The following C1QTNF1 variants were observed in gnomAD, a reference collection of about 807,000 sequenced individuals.
C1QTNF1 encodes C1q and TNF related 1.
A neutral mutation model predicts 27.8 loss-of-function variants in C1QTNF1; 22 were observed. That is an observed-to-expected ratio of 0.79 (90% CI 0.56 to 1.13). The LOEUF is 1.13. Ranked by LOEUF, C1QTNF1 falls within the 50% of genes most tolerant of loss-of-function variation. C1QTNF1 has a pLI of 0.00. For synonymous variants in C1QTNF1, 166 were observed against 154.3 expected (o/e 1.08, Z -0.56); for missense variants, 373 against 380.2 (o/e 0.98, Z 0.16).
Position 79,048,357 on chromosome 17 carries a change from C to A in C1QTNF1, c.*269C>A, listed in dbSNP as rs553241452. ...CTCTGCACACATCCTCAAGTGACCC[C>A]GCACGGCGAGACGCGGGTGGCGGCA... is the stretch of plus-strand genomic sequence containing the variant. On this transcript the variant is annotated 3_prime_UTR_variant, in exon 4 of 4. Transcript: ENST00000579760. 41 of 388,052 alleles carry A rather than the reference C, an allele frequency of 1.1e-4. No individual in the cohort carries two copies. In the South Asian group the frequency reaches 3.7e-3, roughly 35 times the overall value. The allele number at this position is 388,052 out of a possible 1,614,324, so 24.0% of individuals were successfully genotyped here.
upstream of C1QTNF1, among the ~76,000 whole-genome samples, chr17:79,023,825 C>G (rs73413103): frequency 3.3e-5 from 5 of 152,346 alleles, no homozygotes; most frequent in Admixed American, 3.3e-4. Context: ...AGGTCTGCCA[C>G]TGTTTGGAGA....
chr17:79,036,252 G>A (rs1341608972), intron 1 of C1QTNF1, among the ~76,000 whole-genome samples: 1 of 152,228 alleles, frequency 6.6e-6, no homozygotes, highest in Non-Finnish European at 1.5e-5. Context: ...GTGGCTCACT[G>A]CAGCCTCAAC....
At chr17:79,043,384 T>A (rs1198356199) in intron 1 of C1QTNF1, 3 of 453,422 alleles carry the variant, frequency 6.6e-6, no homozygotes, top group Non-Finnish European at 1.3e-5. Flanking sequence ...GGACTGTGTA[T>A]GTGCATGTAT....
At chr17:79,037,365 G>A (rs1051849852) in intron 1 of C1QTNF1, among the ~76,000 whole-genome samples, 23 of 152,128 alleles carry the variant, frequency 1.5e-4, no homozygotes, top group African/African-American at 5.6e-4. Context: ...TCCCGACCTC[G>A]TGATCCACCC....
chr17:79,047,881 G>C lies in C1QTNF1; in HGVS notation c.639G>C (p.Lys213Asn). 1 of 1,614,214 alleles carries C rather than the reference G, an allele frequency of 6.2e-7. No homozygotes were observed. The highest frequency in any genetic ancestry group is 1.1e-5 in the South Asian group (1 of 91,080). The change falls in exon 4 of 4, where the codon AAG becomes AAC. Residue 213 changes from lysine to asparagine, a missense_variant. Transcript: ENST00000579760. Reference protein sequence around the residue: ...NQKETYLHIMKNEEEVVILFA... With the variant: ...NQKETYLHIMNNEEEVVILFA... ...AGGAGACCTACCTGCACATCATGAA[G>C]AACGAGGAGGAGGTGGTGATCTTGT...
At chr17:79,027,080 G>GT (rs2071986176) in intron 1 of C1QTNF1, among the ~76,000 whole-genome samples, 4 of 132,960 alleles carry the variant, frequency 3.0e-5, no homozygotes, top group South Asian at 2.5e-4. Flanking sequence ...CTGTTCCTGG[G>GT]CGGGGGGGGG....
Position 79,047,719 on chromosome 17 carries a change from C to A in C1QTNF1, c.477C>A (p.Asn159Lys). 1 of 1,614,164 alleles carries A rather than the reference C, an allele frequency of 6.2e-7. No individual in the cohort carries two copies. The highest frequency in any genetic ancestry group is 2.2e-5 in the East Asian group (1 of 44,880). The change falls in exon 4 of 4, where the codon AAC becomes AAA. Residue 159 changes from asparagine to lysine, a missense_variant. By Grantham distance (94) the Asn-to-Lys change is moderately conservative. Coordinates refer to ENST00000579760, the MANE Select transcript of C1QTNF1 (RefSeq NM_030968.5). ...SVGRKKPMHSNHYYQTVIFDT... is the reference protein window; with the variant it reads ...SVGRKKPMHSKHYYQTVIFDT... ...GCCGGAAGAAGCCCATGCACAGCAA[C>A]CACTACTACCAGACGGTGATCTTCG...
At chr17:79,044,631 A>T (rs935997969) in intron 2 of C1QTNF1, among the ~76,000 whole-genome samples, 10 of 152,084 alleles carry the variant, frequency 6.6e-5, no homozygotes, top group Non-Finnish European at 1.5e-4. Flanking sequence ...GCTTCCCTTG[A>T]AAGGTTGTGA....
chr17:79,047,762 C>T lies in C1QTNF1; in HGVS notation c.520C>T (p.Leu174Phe). The T allele has an allele frequency of 6.2e-7, 1 of 1,614,176 alleles. No homozygotes were observed. Among genetic ancestry groups the T allele is most frequent in the South Asian group, 1.1e-5 (1 of 91,072 alleles). ...TVIFDTEFVNLYDHFNMFTGK... is the reference protein window; with the variant it reads ...TVIFDTEFVNFYDHFNMFTGK... ...GATCTTCGACACGGAGTTCGTGAAC[C>T]TCTACGACCACTTCAACATGTTCAC... Residue 174 changes from leucine (L) to phenylalanine (F), a missense_variant, in exon 4 of 4, where the codon CTC (leucine) becomes TTC (phenylalanine). Coordinates refer to ENST00000579760, the MANE Select transcript of C1QTNF1 (RefSeq NM_030968.5).
intron 1 of C1QTNF1, among the ~76,000 whole-genome samples, chr17:79,032,924 T>C (rs570538960): frequency 1.5e-4 from 23 of 151,916 alleles, no homozygotes; most frequent in South Asian, 2.1e-4. Flanking sequence ...AAAAATTAGC[T>C]GGGCGTGGTG....
chr17:79,041,533 C>T (rs2072408848), intron 1 of C1QTNF1, among the ~76,000 whole-genome samples: 1 of 152,164 alleles, frequency 6.6e-6, no homozygotes, highest in Non-Finnish European at 1.5e-5. Context: ...ATCCCAGCAC[C>T]TCGGGAGGCC....
chr17:79,037,452 C>T (rs1390540616), intron 1 of C1QTNF1, among the ~76,000 whole-genome samples: 2 of 151,424 alleles, frequency 1.3e-5, no homozygotes, highest in East Asian at 3.9e-4. Flanking sequence ...TTACTAGAGA[C>T]AGGGATTTGC....
chr17:79,041,347 G>C (rs1446308613), intron 1 of C1QTNF1, among the ~76,000 whole-genome samples: 1 of 152,170 alleles, frequency 6.6e-6, no homozygotes, highest in Non-Finnish European at 1.5e-5. Flanking sequence ...GGGGAGGAGA[G>C]AGGTTCGGGG....
rs1168661214 is a variant in C1QTNF1, at chr17:79,046,871, G to A, written c.295+177G>A. Reference sequence around the variant, plus strand: ...AAGGCACAGGAAATTCTGATTTTGAGGCTCTGGCCCCTCTCCAAGAGGAGG... The same window carrying A: ...AAGGCACAGGAAATTCTGATTTTGAAGCTCTGGCCCCTCTCCAAGAGGAGG... On this transcript the variant is annotated intron_variant, in intron 3 of 3. Coordinates refer to ENST00000579760, the MANE Select transcript of C1QTNF1 (RefSeq NM_030968.5). This position sits in a 1 kb window ranked among gnomAD's most constrained non-coding sequence, Gnocchi z 4.8. The A allele has an allele frequency of 1.7e-5, 14 of 834,740 alleles. No individual in the cohort carries two copies. Among genetic ancestry groups the A allele is most frequent in the Non-Finnish European group, 2.0e-5 (11 of 554,690 alleles). 51.7% of individuals were successfully genotyped at this position (834,740 alleles called of 1,614,324 possible). A position where few individuals can be genotyped will look rare whatever the true frequency, so the allele number is the denominator to read the frequency against.
At position 79,048,064 on chromosome 17, in the gene C1QTNF1, G is replaced by A; in HGVS notation, c.822G>A (p.Leu274=). Residue 274 remains leucine (L), a synonymous_variant, in exon 4 of 4, where the codon CTG becomes CTA. Coordinates refer to ENST00000579760, the MANE Select transcript of C1QTNF1 (RefSeq NM_030968.5). ...CCTACATCACCTTCAGTGGCTACCT[G>A]GTCAAGCACGCCACCGAGCCCTAGC... ...LDTYITFSGY[L]VKHATEP is the part of the protein sequence containing the mutation. The A allele has an allele frequency of 1.9e-6, 3 of 1,572,640 alleles. No homozygotes were observed. Among genetic ancestry groups the A allele is most frequent in the Non-Finnish European group, 2.6e-6 (3 of 1,163,264 alleles).
In C1QTNF1 at chr17:79,049,332, G is replaced by C. The variant is rs138513823; in HGVS notation, c.*1244G>C. Reference sequence around the variant, plus strand: ...GAGGAAGTACACGTCCCAATCACCCGTGTCAGGATTCACTCTCAGGAGCTG... The same window carrying C: ...GAGGAAGTACACGTCCCAATCACCCCTGTCAGGATTCACTCTCAGGAGCTG... On this transcript the variant is annotated 3_prime_UTR_variant, in exon 4 of 4. Transcript: ENST00000579760. This position sits in a 1 kb window ranked among gnomAD's most constrained non-coding sequence, Gnocchi z 4.4. The C allele has an allele frequency of 6.6e-6, 1 of 152,332 alleles. No individual in the cohort carries two copies. Among genetic ancestry groups the C allele is most frequent in the Admixed American group, 6.5e-5 (1 of 15,290 alleles). 9.4% of individuals were successfully genotyped at this position (152,332 alleles called of 1,614,324 possible). A position where few individuals can be genotyped will look rare whatever the true frequency, so the allele number is the denominator to read the frequency against.
intron 1 of C1QTNF1, among the ~76,000 whole-genome samples, chr17:79,028,921 C>T (rs1173593066): frequency 2.0e-5 from 3 of 151,982 alleles, no homozygotes; most frequent in Admixed American, 6.5e-5. Flanking sequence ...TGCATGCACG[C>T]GCGGGTGTTC....
chr17:79,036,784 T>G (rs1195995899), intron 1 of C1QTNF1, among the ~76,000 whole-genome samples: 2 of 152,186 alleles, frequency 1.3e-5, no homozygotes, highest in Non-Finnish European at 2.9e-5. Context: ...GCCATGCAAA[T>G]CATGGGCATT....
chr17:79,047,137 C>T lies in C1QTNF1; in HGVS notation c.296-401C>T, dbSNP rs548368510. On this transcript the variant is annotated intron_variant, in intron 3 of 3. Transcript: ENST00000579760. ...TGCAGCCTAGATCCCCAGCTGGCCC[C>T]GACATCTGGAGTTCATTTGCTCAGA... 9 of 246,772 alleles carry T rather than the reference C, an allele frequency of 3.6e-5. 1 individual carries two copies. Among genetic ancestry groups the T allele is most frequent in the African/African-American group, 1.1e-4 (5 of 44,754 alleles). 15.3% of individuals were successfully genotyped at this position (246,772 alleles called of 1,614,324 possible).
Sources: gnomAD v4.1 joint callset for allele counts (sites outside exome capture counted in the v4.1 genomes callset) on GRCh38, gnomAD v4.1.1 for gene constraint, Gnocchi (gnomAD v3.1) non-coding constraint, MANE v1.5 for transcripts, NCBI Gene and HGNC (gene_info 2026-07-23, HGNC 2026-07-21) for gene names.